Variants in C1QTNF3 observed in about 807,000 individuals in gnomAD.
C1QTNF3 encodes the protein complement C1q tumor necrosis factor-related protein 3.
Under a neutral mutation model 32.6 loss-of-function variants are expected in C1QTNF3, and 26 were observed. The ratio of observed to expected loss-of-function variants is 0.80; its 90% CI spans 0.58 to 1.11. The LOEUF (loss-of-function observed/expected upper bound fraction) is 1.11, where lower values mean the gene tolerates loss of function less well. C1QTNF3 is among the 50% of genes least tolerant of loss of function. The probability of loss-of-function intolerance (pLI) is 0.00; values close to 1 mark genes in which losing one functional copy is unlikely to be tolerated. For synonymous variants in C1QTNF3, 155 were observed against 146.0 expected, an observed-to-expected ratio of 1.06 and a Z score of -0.44; for missense variants, 362 against 398.2, an observed-to-expected ratio of 0.91 and a Z score of 0.77.
chr5:34,061,495 A>T, the C1QTNF3 span, among the ~76,000 whole-genome samples: 1 of 151,972 alleles, frequency 6.6e-6, no homozygotes, highest in Non-Finnish European at 1.5e-5. Flanking sequence ...TGAGGGCCCC[A>T]CTCCTGCAGC....
At chr5:34,108,030 G>A in the C1QTNF3 span, among the ~76,000 whole-genome samples, 1 of 152,016 alleles carries the variant, frequency 6.6e-6, no homozygotes, top group Admixed American at 6.6e-5. Flanking sequence ...TTAAACAGAG[G>A]AAAGAGGAAA....
At chr5:34,110,599 C>T in the C1QTNF3 span, among the ~76,000 whole-genome samples, 64 of 152,108 alleles carry the variant, frequency 4.2e-4, 1 homozygote, top group South Asian at 0.012. Flanking sequence ...AGAATGACCA[C>T]GCAGTCACTG....
At chr5:34,178,387 G>A in the C1QTNF3 span, among the ~76,000 whole-genome samples, 2 of 152,200 alleles carry the variant, frequency 1.3e-5, no homozygotes, top group African/African-American at 4.8e-5. Flanking sequence ...GTGTCATTCT[G>A]TAAGCACGAT....
At chr5:34,087,804 A>G in the C1QTNF3 span, among the ~76,000 whole-genome samples, 1 of 152,176 alleles carries the variant, frequency 6.6e-6, no homozygotes, top group African/African-American at 2.4e-5. Context: ...AGTTGGTTTC[A>G]AACTGCTGAG....
chr5:34,177,963 T>A, the C1QTNF3 span, among the ~76,000 whole-genome samples: 6 of 151,660 alleles, frequency 4.0e-5, no homozygotes, highest in African/African-American at 1.5e-4. Flanking sequence ...CCCTCTCGAG[T>A]TTCTTAAGAA....
the C1QTNF3 span, among the ~76,000 whole-genome samples, chr5:34,137,430 T>C: frequency 2.0e-5 from 3 of 152,178 alleles, no homozygotes; most frequent in African/African-American, 7.2e-5. Context: ...AGCACACATA[T>C]CCATTTATTT....
chr5:34,071,851 A>G, the C1QTNF3 span, among the ~76,000 whole-genome samples: 47 of 152,312 alleles, frequency 3.1e-4, no homozygotes, highest in Non-Finnish European at 4.3e-4. Flanking sequence ...AACTGTTCCA[A>G]GCTGAAGTTC....
chr5:34,018,319 A>G lies in C1QTNF3; in HGVS notation c.*2264T>C, dbSNP rs192627145. Among the ~76,000 whole-genome samples the G allele has an allele frequency of 6.6e-6, 1 of 152,318 alleles. No individual in the cohort carries two copies. The highest frequency in any genetic ancestry group is 1.9e-4 in the East Asian group (1 of 5,192). ...AAATTGTCTCTGGCCATCAGATATT[A>G]TCTTTTCCACAAGCTTTTCTTATGC... On this transcript the variant is annotated 3_prime_UTR_variant, in exon 6 of 6. Transcript: ENST00000382065.
Position 34,018,784 on chromosome 5 carries a change from C to T in C1QTNF3, c.*1799G>A, listed in dbSNP as rs1579593726. On this transcript the variant is annotated 3_prime_UTR_variant, in exon 6 of 6. Coordinates refer to ENST00000382065, the MANE Select transcript of C1QTNF3 (RefSeq NM_181435.6). ...AACAGTTCTACACCATATTACATCC[C>T]TGAAGCAAGCAGAAACTCAAGTGCT... 6.6e-6 allele frequency among the ~76,000 whole-genome samples: 1 copy of T among 152,168 alleles called. No individual in the cohort carries two copies. Among genetic ancestry groups the T allele is most frequent in the Non-Finnish European group, 1.5e-5 (1 of 68,032 alleles).
chr5:34,214,007 C>T, the C1QTNF3 span, among the ~76,000 whole-genome samples: 2 of 149,226 alleles, frequency 1.3e-5, no homozygotes, highest in African/African-American at 2.5e-5. Context: ...AAACTGCTTT[C>T]ACCACGTTGG....
chr5:34,033,510 C>T lies in C1QTNF3; in HGVS notation c.416-52G>A, dbSNP rs1296283269. 3 of 1,609,354 alleles carry T rather than the reference C, an allele frequency of 1.9e-6. No homozygotes were observed. In the African/African-American group the frequency reaches 4.0e-5, roughly 21 times the overall value. On this transcript the variant is annotated intron_variant, in intron 2 of 5. Coordinates refer to ENST00000382065, the MANE Select transcript of C1QTNF3 (RefSeq NM_181435.6). ...AGAAAACCCAGTCACTCATACTTAC[C>T]ATCCATTTCTAGACATACTATCCAA... is the stretch of plus-strand genomic sequence containing the variant.
the C1QTNF3 span, among the ~76,000 whole-genome samples, chr5:34,078,511 TG>T: frequency 7.2e-5 from 11 of 151,768 alleles, no homozygotes; most frequent in African/African-American, 2.4e-4. This position sits in a 1 kb window ranked among gnomAD's most constrained non-coding sequence, Gnocchi z 4.0. Flanking sequence ...CATCAGATCT[TG>T]TGGGAACTCA....
chr5:34,084,294 A>C, the C1QTNF3 span, among the ~76,000 whole-genome samples: 1 of 151,688 alleles, frequency 6.6e-6, no homozygotes, highest in Non-Finnish European at 1.5e-5. Flanking sequence ...TCTGAAATCG[A>C]GTTTTTCTGA....
At chr5:34,244,176 C>A in the C1QTNF3 span, among the ~76,000 whole-genome samples, 2 of 152,260 alleles carry the variant, frequency 1.3e-5, no homozygotes, top group East Asian at 1.9e-4. Flanking sequence ...ATACAAAAAA[C>A]CAATTTTATA....
At chr5:34,138,555 A>G in the C1QTNF3 span, among the ~76,000 whole-genome samples, 13 of 152,202 alleles carry the variant, frequency 8.5e-5, no homozygotes, top group African/African-American at 3.1e-4. Context: ...GATGCTTTAT[A>G]TATGACATCA....
At chr5:34,173,158 C>T in the C1QTNF3 span, among the ~76,000 whole-genome samples, 1,518 of 152,124 alleles carry the variant, frequency 1.0e-2, 25 homozygotes, top group African/African-American at 0.034. Flanking sequence ...CTAAGAAATA[C>T]TATACACTCT....
At chr5:34,209,789 C>A in the C1QTNF3 span, among the ~76,000 whole-genome samples, 1 of 151,986 alleles carries the variant, frequency 6.6e-6, no homozygotes, top group Non-Finnish European at 1.5e-5. Context: ...AAGAAATATG[C>A]CAGATGTAAA....
the C1QTNF3 span, among the ~76,000 whole-genome samples, chr5:34,132,780 A>G: frequency 6.6e-6 from 1 of 152,152 alleles, no homozygotes. Flanking sequence ...GGTGTCTCCG[A>G]TATCTTCCTT....
the C1QTNF3 span, among the ~76,000 whole-genome samples, chr5:34,073,090 A>G: frequency 6.6e-6 from 1 of 152,122 alleles, no homozygotes; most frequent in Non-Finnish European, 1.5e-5. Flanking sequence ...CACTTTGGGA[A>G]GCCGTGGCGG....
Sources: gnomAD v4.1 joint callset for allele counts (sites outside exome capture counted in the v4.1 genomes callset) on GRCh38, gnomAD v4.1.1 for gene constraint, Gnocchi (gnomAD v3.1) non-coding constraint, MANE v1.5 for transcripts, NCBI Gene and HGNC (gene_info 2026-07-23, HGNC 2026-07-21) for gene names.